GRB14: variants seen among roughly 807,000 people sequenced by gnomAD.
The protein encoded by GRB14 is growth factor receptor-bound protein 14.
A neutral mutation model predicts 69.1 loss-of-function variants in GRB14; 38 were observed. That is an observed-to-expected ratio of 0.55 (90% CI 0.42 to 0.72). GRB14 has a LOEUF of 0.72. Among genes scored for constraint, GRB14 ranks in the 30% least tolerant of loss-of-function variants. GRB14 has a pLI of 0.00. For synonymous variants in GRB14, 247 were observed against 241.3 expected, an observed-to-expected ratio of 1.02 and a Z score of -0.22; for missense variants, 666 against 666.1, an observed-to-expected ratio of 1.00 and a Z score of 0.00.
intron 2 of GRB14, among the ~76,000 whole-genome samples, chr2:164,603,980 G>C (rs550543989): frequency 1.3e-5 from 2 of 152,280 alleles, no homozygotes; most frequent in African/African-American, 4.8e-5. Flanking sequence ...ATGGACAGAA[G>C]CAAATAAAAA....
intron 2 of GRB14, among the ~76,000 whole-genome samples, chr2:164,604,799 T>A (rs149688606): frequency 6.6e-6 from 1 of 152,162 alleles, no homozygotes; most frequent in Non-Finnish European, 1.5e-5. Context: ...TAATGAAATA[T>A]CCATAATAGG....
chr2:164,494,489 T>C lies in GRB14; in HGVS notation c.1418A>G (p.Lys473Arg), dbSNP rs1371834208. 2 of 1,602,612 alleles carry C rather than the reference T, an allele frequency of 1.2e-6. No individual in the cohort carries two copies. The highest frequency in any genetic ancestry group is 3.3e-4 in the Middle Eastern group (2 of 6,038). ...ATGACTCATTGACAGTACGAAAGTT[T>C]TGGGGTTACTCTGACTATCCCGTAC... ...FLVRDSQSNP[K>R]TFVLSMSHGQ... Residue 473 changes from lysine (K) to arginine (R), a missense_variant, in exon 13 of 14, where the codon AAA becomes AGA. By Grantham distance (26) the Lys-to-Arg change is conservative. Coordinates refer to ENST00000263915, the MANE Select transcript of GRB14 (RefSeq NM_004490.3).
intron 3 of GRB14, among the ~76,000 whole-genome samples, chr2:164,546,309 A>G (rs556887776): frequency 6.6e-6 from 1 of 152,356 alleles, no homozygotes; most frequent in East Asian, 1.9e-4. Context: ...ATGATTATTC[A>G]TAATTCTTTT....
intron 6 of GRB14, among the ~76,000 whole-genome samples, chr2:164,512,202 T>C (rs997174559): frequency 3.9e-5 from 6 of 152,166 alleles, no homozygotes; most frequent in African/African-American, 1.4e-4. Flanking sequence ...GTTTCACTCT[T>C]GTTGCCCAGG....
At chr2:164,601,341 A>G (rs577263971) in intron 2 of GRB14, among the ~76,000 whole-genome samples, 42 of 152,314 alleles carry the variant, frequency 2.8e-4, no homozygotes, top group African/African-American at 8.7e-4. Flanking sequence ...TAAGAAAAAC[A>G]CTATGGAGGT....
At chr2:164,508,921 A>G in intron 6 of GRB14, 69 bp from the exon 7 acceptor site, 1 of 1,003,940 alleles carries the variant, frequency 1.0e-6, no homozygotes, top group Non-Finnish European at 1.4e-6. Flanking sequence ...TATATTATAT[A>G]ATTTATACCT....
chr2:164,572,457 T>C (rs994140864), intron 2 of GRB14, among the ~76,000 whole-genome samples: 16 of 152,196 alleles, frequency 1.1e-4, no homozygotes, highest in African/African-American at 3.9e-4. Context: ...CCTTTTTATA[T>C]ACAAGTTATG....
intron 6 of GRB14, among the ~76,000 whole-genome samples, chr2:164,514,602 G>A (rs998580967): frequency 1.3e-5 from 2 of 152,118 alleles, no homozygotes; most frequent in African/African-American, 2.4e-5. Context: ...CCCTGGGGAG[G>A]GCTGCCAGAG....
intron 2 of GRB14, among the ~76,000 whole-genome samples, chr2:164,604,563 A>G (rs1232382615): frequency 6.6e-6 from 1 of 152,134 alleles, no homozygotes. Context: ...TCACAGCAGG[A>G]AAAAGGGGAA....
chr2:164,575,417 T>C (rs964926590), intron 2 of GRB14, among the ~76,000 whole-genome samples: 4 of 152,166 alleles, frequency 2.6e-5, no homozygotes, highest in Admixed American at 6.5e-5. Flanking sequence ...ATTCCAATCA[T>C]GTATGTGATT....
rs144437927 is a variant in GRB14, at chr2:164,527,056, A to G, written c.561T>C (p.Phe187=). The G allele has an allele frequency of 8.2e-4, 1,313 of 1,597,372 alleles. 10 individuals are homozygous for G. The South Asian group carries it at 8.9e-3, about 11-fold the overall frequency. ...WGIEEENKLY[F]RKNYAKYEFF... Reference sequence around the variant, plus strand: ...ACTCATATTTGGCATAATTTTTTCTAAAGTATAGTTTGTTTTCTTCTTCTA... The same window carrying G: ...ACTCATATTTGGCATAATTTTTTCTGAAGTATAGTTTGTTTTCTTCTTCTA... Residue 187 remains phenylalanine (F), a synonymous_variant, in exon 4 of 14, where the codon TTT becomes TTC. Coordinates refer to ENST00000263915, the MANE Select transcript of GRB14 (RefSeq NM_004490.3).
intron 2 of GRB14, among the ~76,000 whole-genome samples, chr2:164,584,006 G>A (rs1689476290): frequency 6.6e-6 from 1 of 150,584 alleles, no homozygotes. Context: ...TTTTTTTGGA[G>A]ACAGAGTCTT....
rs181695179 is a variant in GRB14, at chr2:164,582,452, C to T, written c.325-34636G>A. Among the ~76,000 whole-genome samples the T allele has an allele frequency of 3.9e-3, 576 of 148,336 alleles. 1 individual carries two copies. Among genetic ancestry groups the T allele is most frequent in the Non-Finnish European group, 6.6e-3 (447 of 67,452 alleles). On this transcript the variant is annotated intron_variant, in intron 2 of 13. Transcript: ENST00000263915. ...TTTTTTTTTTTTTGAGAAGGAGTCT[C>T]GCTCTGTTGCCCAGGCTGGAGTGCA... is the stretch of plus-strand genomic sequence containing the variant.
Position 164,502,287 on chromosome 2 carries a change from T to G in GRB14, c.1072A>C (p.Ser358Arg). 6.2e-7 allele frequency: 1 copy of G among 1,607,322 alleles called. No individual in the cohort carries two copies. The highest frequency in any genetic ancestry group is 8.5e-7 in the Non-Finnish European group (1 of 1,174,394). The change falls in exon 9 of 14, where the codon AGT becomes CGT. Residue 358 changes from serine to arginine, a missense_variant. Physicochemically the swap from Ser to Arg is moderately radical, Grantham distance 110 (BLOSUM62 -1). Coordinates refer to ENST00000263915, the MANE Select transcript of GRB14 (RefSeq NM_004490.3). ...QNYMHPYQGR[S>R]GCSSQSISPM... ...GATATGCTCTGTGAACTGCAGCCAC[T>G]TCTACCTTGATATGGATGCATATAA...
intron 2 of GRB14, among the ~76,000 whole-genome samples, chr2:164,574,241 C>A (rs959897343): frequency 7.3e-6 from 1 of 137,080 alleles, no homozygotes; most frequent in Non-Finnish European, 1.6e-5. Context: ...GAAAAATTAT[C>A]TTTTTTTTTT....
intron 2 of GRB14, among the ~76,000 whole-genome samples, chr2:164,604,891 G>T: frequency 6.6e-6 from 1 of 152,148 alleles, no homozygotes. Context: ...TATTCAATGG[G>T]TATAGAATTT....
intron 2 of GRB14, among the ~76,000 whole-genome samples, chr2:164,550,048 T>C (rs1449308918): frequency 1.3e-5 from 2 of 152,158 alleles, no homozygotes; most frequent in Non-Finnish European, 2.9e-5. Context: ...TATGAAAAGA[T>C]TTCTCCATCT....
chr2:164,527,943 A>C (rs1413195049), intron 3 of GRB14, among the ~76,000 whole-genome samples: 1 of 152,080 alleles, frequency 6.6e-6, no homozygotes, highest in East Asian at 1.9e-4. Flanking sequence ...CCAAATGCCC[A>C]CTGACATGAG....
rs548107790 is a variant in GRB14 at position 164,573,801 on chromosome 2, T to A, written c.325-25985A>T. The A allele has an allele frequency of 3.8e-5, 61 of 1,612,954 alleles. No individual in the cohort carries two copies. The South Asian group carries it at 6.2e-4, about 16-fold the overall frequency. ...ATCCACCAGTGTATCAGCATTAACA[T>A]GTTGGCAGATAAATTGAACATGACT... On this transcript the variant is annotated intron_variant, in intron 2 of 13. Coordinates refer to ENST00000263915, the MANE Select transcript of GRB14 (RefSeq NM_004490.3).
Sources: allele counts gnomAD v4.1 joint callset (sites outside exome capture counted in the v4.1 genomes callset), GRCh38; gene constraint gnomAD v4.1.1; transcripts MANE v1.5; gene names NCBI Gene and HGNC (gene_info 2026-07-23, HGNC 2026-07-21).